FUT9: variants seen among roughly 807,000 people sequenced by gnomAD.
FUT9 encodes 4-galactosyl-N-acetylglucosaminide 3-alpha-L-fucosyltransferase 9.
FUT9 carries 15 observed loss-of-function variants against 29.7 expected under a neutral mutation model. That is an observed-to-expected ratio of 0.51 (90% CI 0.34 to 0.78). The LOEUF (loss-of-function observed/expected upper bound fraction) is 0.78, where lower values mean the gene tolerates loss of function less well. FUT9 is among the 30% of genes least tolerant of loss of function. FUT9 has a pLI of 0.01. For missense variants in FUT9, 319 were observed against 425.4 expected, an observed-to-expected ratio of 0.75 and a Z score of 2.20; for synonymous variants, 169 against 153.7, an observed-to-expected ratio of 1.10 and a Z score of -0.74.
Position 96,213,701 on chromosome 6 carries a change from A to C in FUT9, c.*9466A>C, listed in dbSNP as rs1773982341. ...TAATTAGTCATCTGGATTTTTATAG[A>C]TAAAATCACATGTTGATCAGAAATC... On this transcript the variant is annotated 3_prime_UTR_variant, in exon 3 of 3. Transcript: ENST00000302103. The C allele has an allele frequency of 6.0e-6, 1 of 166,812 alleles. No homozygotes were observed. The highest frequency in any genetic ancestry group is 2.1e-4 in the South Asian group (1 of 4,826). 10.3% of individuals were successfully genotyped at this position (166,812 alleles called of 1,614,324 possible).
intron 1 of FUT9, among the ~76,000 whole-genome samples, chr6:96,100,825 C>T (rs553988744): frequency 4.6e-5 from 7 of 152,160 alleles, no homozygotes; most frequent in African/African-American, 1.7e-4. Flanking sequence ...GACAACACAC[C>T]GTTGTAAAAT....
intron 1 of FUT9, among the ~76,000 whole-genome samples, chr6:96,055,645 G>A (rs1770750524): frequency 6.7e-6 from 1 of 149,722 alleles, no homozygotes; most frequent in South Asian, 2.1e-4. Flanking sequence ...TCTGTTTTCA[G>A]TTACACAGAC....
chr6:96,030,682 T>C (rs1218431157), intron 1 of FUT9, among the ~76,000 whole-genome samples: 1 of 151,558 alleles, frequency 6.6e-6, no homozygotes, highest in Non-Finnish European at 1.5e-5. Flanking sequence ...AATGAATATT[T>C]AAGTGTGAAT....
chr6:96,152,174 G>A (rs1772689486), intron 2 of FUT9, among the ~76,000 whole-genome samples: 1 of 152,146 alleles, frequency 6.6e-6, no homozygotes, highest in African/African-American at 2.4e-5. Flanking sequence ...TTTGATCATA[G>A]GCTTATCTAA....
chr6:96,162,041 T>A (rs559967925), intron 2 of FUT9, among the ~76,000 whole-genome samples: 6 of 152,204 alleles, frequency 3.9e-5, no homozygotes, highest in Admixed American at 1.3e-4. Flanking sequence ...TCCTCTTTAT[T>A]CCTTCTTAGC....
In FUT9 at chr6:96,115,458, A is replaced by T. The variant is rs558627059; in HGVS notation, c.-9+1331A>T. ...TATACTTAGACTTCATAAAATTTACAGTTGGAAAAGTAGATTCACAAACCC... is the reference window on the plus strand; with the variant it reads ...TATACTTAGACTTCATAAAATTTACTGTTGGAAAAGTAGATTCACAAACCC... On this transcript the variant is annotated intron_variant, in intron 2 of 2. Transcript: ENST00000302103. Among the ~76,000 whole-genome samples, 3 of 152,360 alleles carry T rather than the reference A, an allele frequency of 2.0e-5. No homozygotes were observed. In the South Asian group the frequency reaches 6.2e-4, roughly 32 times the overall value.
At chr6:96,115,180 A>C (rs1771886975) in intron 2 of FUT9, among the ~76,000 whole-genome samples, 1 of 152,238 alleles carries the variant, frequency 6.6e-6, no homozygotes, top group Non-Finnish European at 1.5e-5. Flanking sequence ...TGTGAACTGC[A>C]TATGTTATTT....
At chr6:96,042,465 A>T (rs1449843326) in intron 1 of FUT9, among the ~76,000 whole-genome samples, 1 of 152,212 alleles carries the variant, frequency 6.6e-6, no homozygotes, top group East Asian at 1.9e-4. Flanking sequence ...TTCTGTAACT[A>T]CCATTATATT....
chr6:96,023,158 G>A (rs568746610), intron 1 of FUT9, among the ~76,000 whole-genome samples: 1 of 151,952 alleles, frequency 6.6e-6, no homozygotes, highest in African/African-American at 2.4e-5. Context: ...CATCTCCAAT[G>A]CCCAAATGTC....
intron 1 of FUT9, among the ~76,000 whole-genome samples, chr6:96,082,130 T>A (rs982930139): frequency 6.6e-6 from 1 of 151,812 alleles, no homozygotes; most frequent in Non-Finnish European, 1.5e-5. Flanking sequence ...ACTCTTTTTA[T>A]GGCATATTCA....
intron 1 of FUT9, among the ~76,000 whole-genome samples, chr6:96,053,570 A>G (rs1421412732): frequency 1.3e-5 from 2 of 152,056 alleles, no homozygotes; most frequent in African/African-American, 2.4e-5. Context: ...TTAGCCGGGC[A>G]TGGTGGCAAG....
At chr6:96,126,616 C>A (rs1335689625) in intron 2 of FUT9, among the ~76,000 whole-genome samples, 1 of 152,216 alleles carries the variant, frequency 6.6e-6, no homozygotes, top group East Asian at 1.9e-4. Flanking sequence ...AGTTGTTAGA[C>A]TTCAGTGCAT....
chr6:96,109,335 G>A (rs1472003967), intron 1 of FUT9, among the ~76,000 whole-genome samples: 1 of 152,000 alleles, frequency 6.6e-6, no homozygotes, highest in African/African-American at 2.4e-5. Flanking sequence ...TTTATAGATT[G>A]TATAGTGTTT....
At chr6:96,116,769 G>A (rs1274937941) in intron 2 of FUT9, among the ~76,000 whole-genome samples, 1 of 152,112 alleles carries the variant, frequency 6.6e-6, no homozygotes, top group East Asian at 1.9e-4. Context: ...CAGATCAGTG[G>A]TTGCCCAAGT....
intron 2 of FUT9, among the ~76,000 whole-genome samples, chr6:96,178,447 A>G (rs541176335): frequency 6.6e-6 from 1 of 152,302 alleles, no homozygotes; most frequent in South Asian, 2.1e-4. Context: ...TTATGTATCT[A>G]TTTGAAAATA....
At chr6:96,096,385 A>T (rs147578568) in intron 1 of FUT9, among the ~76,000 whole-genome samples, 36 of 152,240 alleles carry the variant, frequency 2.4e-4, no homozygotes, top group African/African-American at 7.7e-4. Flanking sequence ...ACTATATTCA[A>T]CATAGCAGAG....
At chr6:96,123,404 A>G (rs1772069411) in intron 2 of FUT9, among the ~76,000 whole-genome samples, 1 of 152,206 alleles carries the variant, frequency 6.6e-6, no homozygotes, top group African/African-American at 2.4e-5. Flanking sequence ...CTAATATTAT[A>G]GAGGGCTTTG....
rs1015292476 is a variant in FUT9, at chr6:96,108,109, T to C, written c.-97-5930T>C. Among the ~76,000 whole-genome samples, 18 of 152,018 alleles carry C rather than the reference T, an allele frequency of 1.2e-4. No individual in the cohort carries two copies. The Middle Eastern group carries it at 0.014, about 115-fold the overall frequency. On this transcript the variant is annotated intron_variant, in intron 1 of 2. Transcript: ENST00000302103. ...AAATGTCCATTATTTCCCTCCCTTC[T>C]TCTCATTCATTCTCACTTGGCTTTG...
chr6:96,179,186 A>G (rs1029688459), intron 2 of FUT9, among the ~76,000 whole-genome samples: 2 of 152,152 alleles, frequency 1.3e-5, no homozygotes, highest in Admixed American at 6.6e-5. Flanking sequence ...CAAGAAAAAA[A>G]CTATCAGGTT....
Sources: allele counts gnomAD v4.1 joint callset (sites outside exome capture counted in the v4.1 genomes callset), GRCh38; gene constraint gnomAD v4.1.1; transcripts MANE v1.5; gene names NCBI Gene and HGNC (gene_info 2026-07-23, HGNC 2026-07-21).